ADRA1B: variants seen among roughly 807,000 people sequenced by gnomAD.
The protein encoded by ADRA1B is alpha-1B adrenergic receptor.
A neutral mutation model predicts 17.9 loss-of-function variants in ADRA1B; 17 were observed. That is an observed-to-expected ratio of 0.95 (90% CI 0.65 to 1.42). The LOEUF (loss-of-function observed/expected upper bound fraction) is 1.42, where lower values mean the gene tolerates loss of function less well. Ranked by LOEUF, ADRA1B falls within the 40% of genes most tolerant of loss-of-function variation. The pLI, the probability that ADRA1B is intolerant of heterozygous loss-of-function variation, is 0.00. For synonymous variants in ADRA1B, 366 were observed against 327.6 expected, an observed-to-expected ratio of 1.12 and a Z score of -1.27; for missense variants, 681 against 722.1, an observed-to-expected ratio of 0.94 and a Z score of 0.65.
chr5:159,889,039 T>C (rs563028968), intron 1 of ADRA1B, among the ~76,000 whole-genome samples: 12 of 152,282 alleles, frequency 7.9e-5, no homozygotes, highest in African/African-American at 2.6e-4. Context: ...TTGTAAGATA[T>C]ACAGTCACAC....
intron 1 of ADRA1B, among the ~76,000 whole-genome samples, chr5:159,942,019 T>C (rs552032811): frequency 1.3e-5 from 2 of 149,982 alleles, no homozygotes; most frequent in Admixed American, 1.3e-4. Flanking sequence ...AACTCCCAGG[T>C]TGACATCATT....
At chr5:159,974,797 T>C (rs1311925167), downstream of ADRA1B, among the ~76,000 whole-genome samples, 1 of 152,170 alleles carries the variant, frequency 6.6e-6, no homozygotes, top group Non-Finnish European at 1.5e-5. Context: ...GATCTCACTA[T>C]CCATGGTTTA....
upstream of ADRA1B, among the ~76,000 whole-genome samples, chr5:159,915,940 C>G (rs1204146422): frequency 2.6e-5 from 4 of 152,122 alleles, no homozygotes; most frequent in Non-Finnish European, 4.4e-5. Flanking sequence ...CCGTAAGAAT[C>G]GGCTGAATAA....
intron 1 of ADRA1B, among the ~76,000 whole-genome samples, chr5:159,893,636 T>A (rs1051006576): frequency 6.6e-6 from 1 of 152,222 alleles, no homozygotes; most frequent in Non-Finnish European, 1.5e-5. Context: ...ATTTGTTCAG[T>A]CATTCAGTAA....
chr5:159,987,454 T>C, the ADRA1B span, among the ~76,000 whole-genome samples: 1 of 152,194 alleles, frequency 6.6e-6, no homozygotes, highest in African/African-American at 2.4e-5. Flanking sequence ...AGCAGCTCTT[T>C]AGACACTGCA....
At chr5:159,875,230 C>T (rs904600170) in intron 1 of ADRA1B, among the ~76,000 whole-genome samples, 1 of 152,094 alleles carries the variant, frequency 6.6e-6, no homozygotes, top group Non-Finnish European at 1.5e-5. Context: ...GAAGGTTTAT[C>T]CTGCAGGATA....
intron 1 of ADRA1B, chr5:159,870,466 A>C (rs1361466172): frequency 6.6e-6 from 1 of 152,196 alleles, no homozygotes; most frequent in Non-Finnish European, 1.5e-5. Flanking sequence ...CCATCCATCC[A>C]ACCATTCATT....
chr5:159,941,343 T>C (rs1050062381), intron 1 of ADRA1B, among the ~76,000 whole-genome samples: 1 of 152,348 alleles, frequency 6.6e-6, no homozygotes, highest in African/African-American at 2.4e-5. Context: ...GTTCCAAATA[T>C]GGCTGAGATG....
At chr5:159,971,307 C>T (rs1307691038) in intron 1 of ADRA1B, among the ~76,000 whole-genome samples, 2 of 152,176 alleles carry the variant, frequency 1.3e-5, no homozygotes, top group African/African-American at 2.4e-5. Context: ...TAAATATCTT[C>T]TCAGATTCTT....
At chr5:159,980,446 A>T in the ADRA1B span, among the ~76,000 whole-genome samples, 2 of 152,180 alleles carry the variant, frequency 1.3e-5, no homozygotes, top group Non-Finnish European at 2.9e-5. Flanking sequence ...TTTCTATGTG[A>T]CAGATGTGTT....
rs776642038 is a variant in ADRA1B at position 159,917,864 on chromosome 5, G to A, written c.949+10G>A. 3.2e-6 allele frequency: 5 copies of A among 1,584,424 alleles called. No homozygotes were observed. In the South Asian group the frequency reaches 3.5e-5, roughly 11 times the overall value. On this transcript the variant is annotated intron_variant, in intron 1 of 1. Coordinates refer to ENST00000306675, the MANE Select transcript of ADRA1B (RefSeq NM_000679.4). Reference sequence around the variant, plus strand: ...ATCGCTCTACCGCTTGGTAAGTTGGGGACTAGCAGCAGGGGGACTGGGCAT... The same window carrying A: ...ATCGCTCTACCGCTTGGTAAGTTGGAGACTAGCAGCAGGGGGACTGGGCAT...
chr5:159,948,450 C>G (rs1581059522), intron 1 of ADRA1B: 1 of 985,232 alleles, frequency 1.0e-6, no homozygotes. Context: ...AATCAGTCAT[C>G]ATGTTTTCAA....
chr5:159,866,460 G>A (rs564078027), intron 1 of ADRA1B, among the ~76,000 whole-genome samples: 1 of 151,948 alleles, frequency 6.6e-6, no homozygotes, highest in Non-Finnish European at 1.5e-5. Flanking sequence ...GATAGCACAT[G>A]CCTGTAATCC....
At chr5:159,957,497 ACT>A (rs1241855842) in intron 1 of ADRA1B, among the ~76,000 whole-genome samples, 1 of 142,750 alleles carries the variant, frequency 7.0e-6, no homozygotes, top group Non-Finnish European at 1.5e-5. Flanking sequence ...AGAGTGAGAG[ACT>A]CTGTCTCAAA....
intron 1 of ADRA1B, among the ~76,000 whole-genome samples, chr5:159,938,285 T>G (rs1162682294): frequency 6.6e-6 from 1 of 152,178 alleles, no homozygotes; most frequent in Non-Finnish European, 1.5e-5. Flanking sequence ...TCCTCAGGTG[T>G]TAATTCATAA....
At position 159,972,274 on chromosome 5, in the gene ADRA1B, G is replaced by T; in HGVS notation, c.1345G>T (p.Ala449Ser). ...VELCAFPEWK[A>S]PGALLSLPAP... ...GCTGTGCGCCTTCCCCGAGTGGAAGGCGCCCGGCGCCCTCCTGAGCCTGCC... is the reference window on the plus strand; with the variant it reads ...GCTGTGCGCCTTCCCCGAGTGGAAGTCGCCCGGCGCCCTCCTGAGCCTGCC... The change falls in exon 2 of 2, where the codon GCG (alanine) becomes TCG (serine). Residue 449 changes from alanine (A) to serine (S), a missense_variant. Ala to Ser is a moderately conservative substitution (Grantham distance 99). Around this residue, in one of 3 missense-constraint regions of ADRA1B, gnomAD observed 251 missense variants for 224.9 expected, o/e 1.12. Transcript: ENST00000306675. The T allele has an allele frequency of 7.5e-7, 1 of 1,333,794 alleles. No individual in the cohort carries two copies. Among genetic ancestry groups the T allele is most frequent in the Non-Finnish European group, 9.6e-7 (1 of 1,042,246 alleles). 82.6% of individuals were successfully genotyped at this position (1,333,794 alleles called of 1,614,324 possible). A position where few individuals can be genotyped will look rare whatever the true frequency, so the allele number is the denominator to read the frequency against.
intron 1 of ADRA1B, among the ~76,000 whole-genome samples, chr5:159,938,032 G>A (rs1755006062): frequency 6.6e-6 from 1 of 152,168 alleles, no homozygotes; most frequent in Admixed American, 6.5e-5. Flanking sequence ...GTGTGATTTT[G>A]AAGCTGACTC....
Position 159,972,647 on chromosome 5 carries a change from T to C in ADRA1B, c.*155T>C. The C allele has an allele frequency of 3.3e-6, 3 of 907,872 alleles. 1 individual carries two copies. The South Asian group carries it at 6.8e-5, about 21-fold the overall frequency. The allele number at this position is 907,872 out of a possible 1,614,324, so 56.2% of individuals were successfully genotyped here. A position where few individuals can be genotyped will look rare whatever the true frequency, so the allele number is the denominator to read the frequency against. ...CCGGGGAGAGGGGCAGCTGCTTTTC[T>C]GGCAGGGGCATGGGTGCCAGGTACC... is the stretch of plus-strand genomic sequence containing the variant. On this transcript the variant is annotated 3_prime_UTR_variant, in exon 2 of 2. Transcript: ENST00000306675.
At chr5:159,922,975 T>A (rs1403402475) in intron 1 of ADRA1B, among the ~76,000 whole-genome samples, 2 of 152,238 alleles carry the variant, frequency 1.3e-5, no homozygotes, top group Non-Finnish European at 1.5e-5. Context: ...GGTTAGTACA[T>A]CATAGGTCCC....
Sources: allele counts gnomAD v4.1 joint callset (sites outside exome capture counted in the v4.1 genomes callset), GRCh38; gene constraint gnomAD v4.1.1; regional missense constraint gnomAD v4.1.1; transcripts MANE v1.5; gene names NCBI Gene and HGNC (gene_info 2026-07-23, HGNC 2026-07-21).